The following EPB41L5 variants were observed in gnomAD, a reference collection of about 807,000 sequenced individuals.
EPB41L5 encodes the protein band 4.1-like protein 5.
In EPB41L5, 55 loss-of-function variants were observed where a neutral mutation model predicts 106.6. The observed-to-expected ratio is 0.52, with a 90% CI of 0.42 to 0.65. The LOEUF (loss-of-function observed/expected upper bound fraction) is 0.65, where lower values mean the gene tolerates loss of function less well. Ranked by LOEUF, EPB41L5 falls within the 30% of genes least tolerant of loss-of-function variation. The pLI, the probability that EPB41L5 is intolerant of heterozygous loss-of-function variation, is 0.00. For synonymous variants in EPB41L5, 297 were observed against 306.7 expected, an observed-to-expected ratio of 0.97 and a Z score of 0.33; for missense variants, 871 against 882.1, an observed-to-expected ratio of 0.99 and a Z score of 0.16.
Position 120,090,480 on chromosome 2 carries a change from C to G in EPB41L5, c.1007C>G (p.Ser336Ter). The change falls in exon 12 of 25, where the codon TCA becomes TGA. Residue 336 changes from serine to a stop codon, truncating the protein, a stop_gained. Coordinates refer to ENST00000263713, the MANE Select transcript of EPB41L5 (RefSeq NM_020909.4). LOFTEE classifies it high-confidence loss of function. ...RGPVQKSSHR[S>*]GFIRLGSRFR... ...CCCGTCCAAAAGAGTTCTCATCGATCAGGATTTATTCGACTAGGATCACGA... is the reference window on the plus strand; with the variant it reads ...CCCGTCCAAAAGAGTTCTCATCGATGAGGATTTATTCGACTAGGATCACGA... The G allele has an allele frequency of 6.2e-7, 1 of 1,613,532 alleles. No homozygotes were observed. The highest frequency in any genetic ancestry group is 1.1e-5 in the South Asian group (1 of 91,014).
At chr2:120,140,644 C>G (rs915427444) in intron 18 of EPB41L5, among the ~76,000 whole-genome samples, 1 of 151,936 alleles carries the variant, frequency 6.6e-6, no homozygotes, top group African/African-American at 2.4e-5. Flanking sequence ...CTCATTGGAG[C>G]ATTTTTTATT....
chr2:120,090,632 G>T lies in EPB41L5; in HGVS notation c.1043+116G>T, dbSNP rs575566991. 1.5e-5 allele frequency: 13 copies of T among 880,166 alleles called. 1 individual carries two copies. The South Asian group carries it at 2.3e-4, about 16-fold the overall frequency. 54.5% of individuals were successfully genotyped at this position (880,166 alleles called of 1,614,324 possible). On this transcript the variant is annotated intron_variant, in intron 12 of 24. Coordinates refer to ENST00000263713, the MANE Select transcript of EPB41L5 (RefSeq NM_020909.4). ...AAGGTATAGAGGAATAAGGTGGTTT[G>T]CCAGAGTCTTCCATTGGCCAAAATA...
chr2:120,063,934 C>A (rs1433481033), intron 3 of EPB41L5, among the ~76,000 whole-genome samples: 3 of 150,940 alleles, frequency 2.0e-5, no homozygotes, highest in Non-Finnish European at 2.9e-5. Context: ...GAGAGTGAAA[C>A]TCCATCTCAA....
chr2:120,035,142 A>G (rs1011444268), intron 2 of EPB41L5, among the ~76,000 whole-genome samples: 1 of 152,142 alleles, frequency 6.6e-6, no homozygotes, highest in Non-Finnish European at 1.5e-5. Context: ...AATCTCCCTT[A>G]TTAAATGGGC....
At position 120,060,517 on chromosome 2, in the gene EPB41L5, G is replaced by T. The variant is rs992583288; in HGVS notation, c.286-12661G>T. Among the ~76,000 whole-genome samples, 30 of 152,118 alleles carry T rather than the reference G, an allele frequency of 2.0e-4. 1 individual carries two copies. The highest frequency in any genetic ancestry group is 1.4e-3 in the Admixed American group (22 of 15,264). ...TAGGAAATAAAGCCAGTATCAAAAGGTTATATATTATATGATTCTATGTAT... is the reference window on the plus strand; with the variant it reads ...TAGGAAATAAAGCCAGTATCAAAAGTTTATATATTATATGATTCTATGTAT... On this transcript the variant is annotated intron_variant, in intron 3 of 24. Coordinates refer to ENST00000263713, the MANE Select transcript of EPB41L5 (RefSeq NM_020909.4).
At chr2:120,040,145 A>G (rs1679311875) in intron 2 of EPB41L5, among the ~76,000 whole-genome samples, 1 of 151,948 alleles carries the variant, frequency 6.6e-6, no homozygotes, top group Admixed American at 6.6e-5. Context: ...CTGACGTAGG[A>G]AACTTAAAAT....
At chr2:120,087,813 CAAAA>C (rs1352129184) in intron 11 of EPB41L5, among the ~76,000 whole-genome samples, 12 of 139,830 alleles carry the variant, frequency 8.6e-5, no homozygotes, top group Admixed American at 7.8e-4. Context: ...ATTAACTGAT[CAAAA>C]AGATCTACCT....
Position 120,095,417 on chromosome 2 carries a change from CCTT to C in EPB41L5, c.1178+2144_1178+2146del. 2.6e-5 allele frequency among the ~76,000 whole-genome samples: 4 copies of C among 151,684 alleles called. No individual in the cohort carries two copies. The Middle Eastern group carries it at 0.014, about 516-fold the overall frequency. ...ATTCTTTATGCTGTCTTTCTCTTCT[CCTT>C]CTGGAATTCTCATTAACATGTAAGT... On this transcript the variant is annotated intron_variant, in intron 14 of 24. Coordinates refer to ENST00000263713, the MANE Select transcript of EPB41L5 (RefSeq NM_020909.4).
At chr2:120,021,094 C>T (rs1677892118) in intron 2 of EPB41L5, among the ~76,000 whole-genome samples, 1 of 152,180 alleles carries the variant, frequency 6.6e-6, no homozygotes, top group African/African-American at 2.4e-5. Flanking sequence ...GTAATCCCAG[C>T]ACTTTGGGAG....
chr2:120,049,745 T>TTAGTTGATGCTAG (rs1414810903), intron 3 of EPB41L5, among the ~76,000 whole-genome samples: 9 of 152,314 alleles, frequency 5.9e-5, no homozygotes, highest in African/African-American at 2.2e-4. Context: ...GTTGATGCAG[T>TTAGTTGATGCTAG]TTCTTCCTAG....
chr2:120,064,503 G>A (rs1344625515), intron 3 of EPB41L5, among the ~76,000 whole-genome samples: 2 of 152,134 alleles, frequency 1.3e-5, no homozygotes, highest in African/African-American at 4.8e-5. Context: ...CTCCCTACCT[G>A]ATTCTTTGTT....
At chr2:120,091,210 A>T (rs969151264) in intron 12 of EPB41L5, among the ~76,000 whole-genome samples, 2 of 152,248 alleles carry the variant, frequency 1.3e-5, no homozygotes, top group Non-Finnish European at 2.9e-5. Flanking sequence ...AATTAGAAAA[A>T]GTAACTGAAA....
chr2:120,033,549 A>G (rs113234032), intron 2 of EPB41L5, among the ~76,000 whole-genome samples: 66 of 151,972 alleles, frequency 4.3e-4, no homozygotes, highest in African/African-American at 1.5e-3. Context: ...CTCTATTAAA[A>G]ATACAAAATT....
chr2:120,078,446 C>T (rs558458059), intron 9 of EPB41L5, 47 bp from the exon 10 acceptor site: 1 of 1,275,284 alleles, frequency 7.8e-7, no homozygotes, highest in African/African-American at 1.5e-5. Flanking sequence ...AATGTGAAAC[C>T]TGTTTTGTAC....
At chr2:120,091,357 A>G (rs1393388920) in intron 12 of EPB41L5, among the ~76,000 whole-genome samples, 198 bp from the exon 13 acceptor site, 2 of 152,244 alleles carry the variant, frequency 1.3e-5, no homozygotes, top group African/African-American at 2.4e-5. Context: ...AATAAAACCA[A>G]CATAATCTGT....
intron 16 of EPB41L5, among the ~76,000 whole-genome samples, chr2:120,110,273 C>T (rs1360670213): frequency 2.6e-5 from 4 of 152,190 alleles, no homozygotes; most frequent in Non-Finnish European, 5.9e-5. Flanking sequence ...CCTTCTAACA[C>T]GCCATTGTCT....
At chr2:120,082,954 C>T (rs1347522513) in intron 10 of EPB41L5, among the ~76,000 whole-genome samples, 1 of 151,910 alleles carries the variant, frequency 6.6e-6, no homozygotes, top group Non-Finnish European at 1.5e-5. Flanking sequence ...GGTAATATCC[C>T]CTTTATCATT....
intron 16 of EPB41L5, among the ~76,000 whole-genome samples, chr2:120,111,800 G>A (rs1207350274): frequency 2.6e-5 from 4 of 152,132 alleles, no homozygotes; most frequent in African/African-American, 4.8e-5. Flanking sequence ...ACACCTGCCA[G>A]CGTCCTTGTC....
At position 120,167,794 on chromosome 2, in the gene EPB41L5, T is replaced by C. The variant is rs1380874209; in HGVS notation, c.2005-83T>C. The C allele has an allele frequency of 2.7e-6, 4 of 1,509,338 alleles. No homozygotes were observed. In the East Asian group the frequency reaches 9.1e-5, roughly 34 times the overall value. The allele number at this position is 1,509,338 out of a possible 1,614,324, so 93.5% of individuals were successfully genotyped here. A position where few individuals can be genotyped will look rare whatever the true frequency, so the allele number is the denominator to read the frequency against. Reference sequence around the variant, plus strand: ...ACCATCTTCGTTAATCTCATAGTCATTAGTGAAGCTTGATTTGGAGCTGAA... The same window carrying C: ...ACCATCTTCGTTAATCTCATAGTCACTAGTGAAGCTTGATTTGGAGCTGAA... On this transcript the variant is annotated intron_variant, in intron 23 of 24. Transcript: ENST00000263713.
Sources: gnomAD v4.1 joint callset for allele counts (sites outside exome capture counted in the v4.1 genomes callset) on GRCh38, gnomAD v4.1.1 for gene constraint, MANE v1.5 for transcripts, NCBI Gene and HGNC (gene_info 2026-07-23, HGNC 2026-07-21) for gene names.